The following ZNF892 variants were observed in gnomAD, a reference collection of about 807,000 sequenced individuals.
The protein encoded by ZNF892 is zinc finger protein 570-like.
the ZNF892 span, among the ~76,000 whole-genome samples, chr2:95,250,049 C>A: frequency 6.6e-6 from 1 of 152,070 alleles, no homozygotes; most frequent in Non-Finnish European, 1.5e-5. Flanking sequence ...TTTCATGAGA[C>A]ATTAAAGCTA....
chr2:95,254,649 A>G, the ZNF892 span, among the ~76,000 whole-genome samples: 1 of 152,222 alleles, frequency 6.6e-6, no homozygotes, highest in Admixed American at 6.5e-5. Context: ...TAGTTTCAGA[A>G]GGAATGGTAC....
chr2:95,215,166 C>T, the ZNF892 span: 1 of 459,518 alleles, frequency 2.2e-6, no homozygotes, highest in Non-Finnish European at 3.9e-6. Flanking sequence ...AGGTCTTATC[C>T]AGCACCAGAG....
At chr2:95,209,114 C>T in the ZNF892 span, among the ~76,000 whole-genome samples, 1 of 152,114 alleles carries the variant, frequency 6.6e-6, no homozygotes, top group African/African-American at 2.4e-5. Context: ...CCAGACAAGT[C>T]ATGAAAGTCT....
At chr2:95,232,924 G>A in the ZNF892 span, among the ~76,000 whole-genome samples, 1 of 107,158 alleles carries the variant, frequency 9.3e-6, no homozygotes, top group Non-Finnish European at 1.9e-5. Context: ...ACAGGTTTGC[G>A]AGCTGAATGG....
the ZNF892 span, among the ~76,000 whole-genome samples, chr2:95,218,835 G>T: frequency 6.6e-6 from 1 of 152,196 alleles, no homozygotes; most frequent in African/African-American, 2.4e-5. Context: ...GGTGTGGAGA[G>T]AAATTGGATT....
the ZNF892 span, among the ~76,000 whole-genome samples, chr2:95,241,009 A>T: frequency 2.0e-5 from 3 of 152,172 alleles, no homozygotes; most frequent in East Asian, 3.9e-4. Context: ...TCTCCCAGGG[A>T]TGGAGCTCCC....
the ZNF892 span, among the ~76,000 whole-genome samples, chr2:95,256,002 C>T: frequency 6.6e-6 from 1 of 152,208 alleles, no homozygotes; most frequent in Non-Finnish European, 1.5e-5. Context: ...TTCCTGAATA[C>T]AGCACGCTGA....
At chr2:95,253,527 A>G in the ZNF892 span, among the ~76,000 whole-genome samples, 1 of 152,330 alleles carries the variant, frequency 6.6e-6, no homozygotes, top group South Asian at 2.1e-4. Flanking sequence ...AGATGCCTCC[A>G]TCTTTGTCCT....
chr2:95,214,796 T>C, the ZNF892 span: 3 of 463,036 alleles, frequency 6.5e-6, no homozygotes, highest in Non-Finnish European at 1.2e-5. Flanking sequence ...GTAACGAATG[T>C]GGTAAAGCCT....
the ZNF892 span, among the ~76,000 whole-genome samples, chr2:95,227,656 G>T: frequency 2.0e-5 from 3 of 151,926 alleles, no homozygotes; most frequent in Admixed American, 6.6e-5. Context: ...CTGCTCTGTT[G>T]CCCAGGCTGA....
the ZNF892 span, among the ~76,000 whole-genome samples, chr2:95,235,182 TCAC>T: frequency 6.6e-6 from 1 of 152,262 alleles, no homozygotes; most frequent in South Asian, 2.1e-4. Context: ...TTCCAGACTT[TCAC>T]AAAGATTAAT....
the ZNF892 span, among the ~76,000 whole-genome samples, chr2:95,218,747 G>T: frequency 3.9e-5 from 6 of 152,142 alleles, no homozygotes; most frequent in Non-Finnish European, 7.3e-5. Flanking sequence ...TAAAATCAGG[G>T]TCCAACAGCG....
At chr2:95,231,759 C>CT in the ZNF892 span, among the ~76,000 whole-genome samples, 11 of 151,940 alleles carry the variant, frequency 7.2e-5, no homozygotes, top group East Asian at 1.2e-3. Context: ...TTTGGTTTTA[C>CT]TTTTTTTTAG....
the ZNF892 span, chr2:95,211,662 G>A: frequency 1.5e-5 from 6 of 398,664 alleles, no homozygotes; most frequent in South Asian, 1.3e-4. Context: ...CCCAGTGGAG[G>A]CAGCTGAACT....
chr2:95,227,539 G>T, the ZNF892 span, among the ~76,000 whole-genome samples: 2 of 151,642 alleles, frequency 1.3e-5, no homozygotes, highest in Admixed American at 6.6e-5. Context: ...GCCCAGGCTG[G>T]TCTCAAACTC....
the ZNF892 span, among the ~76,000 whole-genome samples, chr2:95,247,874 T>C: frequency 6.6e-6 from 1 of 152,206 alleles, no homozygotes; most frequent in Non-Finnish European, 1.5e-5. Context: ...AGGGAATGCT[T>C]ATACACTGCT....
At chr2:95,244,044 C>A in the ZNF892 span, among the ~76,000 whole-genome samples, 1 of 150,932 alleles carries the variant, frequency 6.6e-6, no homozygotes, top group Non-Finnish European at 1.5e-5. Flanking sequence ...GACCTTACCC[C>A]CAACCCTGTG....
the ZNF892 span, chr2:95,212,275 T>C: frequency 2.5e-6 from 1 of 398,492 alleles, no homozygotes; most frequent in East Asian, 3.6e-5. Context: ...AGGCAGCCAG[T>C]CAAAAGCGTG....
At chr2:95,233,953 T>G in the ZNF892 span, among the ~76,000 whole-genome samples, 4 of 152,230 alleles carry the variant, frequency 2.6e-5, no homozygotes, top group Admixed American at 6.5e-5. Context: ...GTGCTGGGAT[T>G]ACAGACATGA....
Sources: gnomAD v4.1 joint callset for allele counts (sites outside exome capture counted in the v4.1 genomes callset) on GRCh38, gnomAD v4.1.1 for gene constraint, MANE v1.5 for transcripts, NCBI Gene and HGNC (gene_info 2026-07-23, HGNC 2026-07-21) for gene names.